The following ARHGEF11 variants were observed in gnomAD, a reference collection of about 807,000 sequenced individuals.
The protein encoded by ARHGEF11 is Rho guanine nucleotide exchange factor 11.
Under a neutral mutation model 193.7 loss-of-function variants are expected in ARHGEF11, and 55 were observed. That is an observed-to-expected ratio of 0.28 (90% CI 0.23 to 0.36). The LOEUF is 0.36. Ranked by LOEUF, ARHGEF11 falls within the 10% of genes least tolerant of loss-of-function variation. The pLI is 1.00. For missense variants in ARHGEF11, 1,723 were observed against 2,005.6 expected (o/e 0.86, Z 2.69); for synonymous variants, 693 against 768.0 (o/e 0.90, Z 1.62).
At position 156,947,468 on chromosome 1, in the gene ARHGEF11, C is replaced by A. The variant is rs781402188; in HGVS notation, c.2342-18G>T. 3 of 1,577,372 alleles carry A rather than the reference C, an allele frequency of 1.9e-6. No individual in the cohort carries two copies. The Admixed American group carries it at 5.7e-5, about 30-fold the overall frequency. On this transcript the variant is annotated intron_variant, in intron 25 of 40. Coordinates refer to ENST00000368194, the MANE Select transcript of ARHGEF11 (RefSeq NM_198236.3). ...AAACAGCTCTGAGCGGTGGTTGTGACAAGGAGGGTAGAAAGCCAGGGAGAA... is the reference window on the plus strand; with the variant it reads ...AAACAGCTCTGAGCGGTGGTTGTGAAAAGGAGGGTAGAAAGCCAGGGAGAA...
At chr1:157,003,781 C>T (rs902083474) in intron 1 of ARHGEF11, among the ~76,000 whole-genome samples, 7 of 152,362 alleles carry the variant, frequency 4.6e-5, no homozygotes, top group African/African-American at 1.4e-4. Flanking sequence ...GATGCTGACA[C>T]TCACTGGGGC....
intron 1 of ARHGEF11, among the ~76,000 whole-genome samples, chr1:157,030,063 A>G (rs2102994502): frequency 6.6e-6 from 1 of 152,284 alleles, no homozygotes; most frequent in Non-Finnish European, 1.5e-5. Context: ...CTAAAATTAG[A>G]CAGTGATGAT....
At chr1:157,039,203 C>T (rs977133912) in intron 1 of ARHGEF11, among the ~76,000 whole-genome samples, 1 of 152,146 alleles carries the variant, frequency 6.6e-6, no homozygotes, top group African/African-American at 2.4e-5. Flanking sequence ...GAAAGCCAGA[C>T]AATGATTTCT....
At chr1:156,961,536 T>C in intron 14 of ARHGEF11, 141 bp downstream of exon 14, 1 of 699,918 alleles carries the variant, frequency 1.4e-6, no homozygotes, top group Non-Finnish European at 2.4e-6. Context: ...AGGAACAGAA[T>C]CCAGGAATAT....
At chr1:156,936,194 T>C (rs1655070959) in intron 40 of ARHGEF11, 136 bp from the exon 41 acceptor site, 2 of 955,254 alleles carry the variant, frequency 2.1e-6, no homozygotes, top group Non-Finnish European at 3.5e-6. Flanking sequence ...CAGTTTCTCG[T>C]AGGGCTTGAA....
rs1425327103 is a variant in ARHGEF11 at position 156,937,418 on chromosome 1, G to T, written c.4271C>A (p.Pro1424His). Residue 1424 changes from proline to histidine, a missense_variant, in exon 39 of 41, where the codon CCT (proline) becomes CAT (histidine). Physicochemically the swap from Pro to His is moderately conservative, Grantham distance 77. This residue lies in a region of ARHGEF11 where 360 missense variants were observed against 344.4 expected (regional missense o/e 1.05). Coordinates refer to ENST00000368194, the MANE Select transcript of ARHGEF11 (RefSeq NM_198236.3). ...TDHSEAPMSP[P>H]QPDSLPAGQT... ...CCCTGCAGGGAGGCTGTCAGGCTGA[G>T]GGGGGCTCATGGGTGCCTCTGAGTG... 6.3e-7 allele frequency: 1 copy of T among 1,586,820 alleles called. No individual in the cohort carries two copies. The highest frequency in any genetic ancestry group is 8.6e-7 in the Non-Finnish European group (1 of 1,167,582).
intron 1 of ARHGEF11, among the ~76,000 whole-genome samples, chr1:157,017,333 ATTAT>A (rs768554831): frequency 1.3e-5 from 2 of 152,150 alleles, no homozygotes; most frequent in Non-Finnish European, 2.9e-5. Flanking sequence ...TTAAATTATA[ATTAT>A]TTGTTTGTAT....
intron 33 of ARHGEF11, among the ~76,000 whole-genome samples, chr1:156,942,456 C>T (rs113139793): frequency 1.1e-3 from 164 of 152,284 alleles, no homozygotes; most frequent in African/African-American, 3.4e-3. Flanking sequence ...GCAGCAGCAG[C>T]GGCTGGAAGA....
chr1:157,006,679 C>T (rs1667866844), intron 1 of ARHGEF11, among the ~76,000 whole-genome samples: 1 of 152,184 alleles, frequency 6.6e-6, no homozygotes, highest in African/African-American at 2.4e-5. Flanking sequence ...GCTTTCCAGA[C>T]AATTGGATAG....
intron 1 of ARHGEF11, among the ~76,000 whole-genome samples, chr1:157,032,801 C>G (rs956685368): frequency 9.2e-5 from 14 of 152,162 alleles, no homozygotes; most frequent in African/African-American, 3.4e-4. Context: ...GTTACTAAGT[C>G]CAGGCATTTC....
At chr1:156,987,597 C>G (rs1220971288) in intron 1 of ARHGEF11, among the ~76,000 whole-genome samples, 1 of 152,128 alleles carries the variant, frequency 6.6e-6, no homozygotes, top group East Asian at 1.9e-4. Flanking sequence ...GAAATGCAGG[C>G]TTTTATTATA....
At chr1:156,939,988 G>A in intron 36 of ARHGEF11, 78 bp from the exon 37 acceptor site, 1 of 1,565,540 alleles carries the variant, frequency 6.4e-7, no homozygotes, top group Non-Finnish European at 8.6e-7. Context: ...CTGCCCCACT[G>A]ACCCCAAGGT....
At chr1:157,015,639 G>A (rs1394345994) in intron 1 of ARHGEF11, among the ~76,000 whole-genome samples, 1 of 152,124 alleles carries the variant, frequency 6.6e-6, no homozygotes, top group Non-Finnish European at 1.5e-5. Context: ...TACACTCTAG[G>A]TCCTCAGTAA....
intron 1 of ARHGEF11, among the ~76,000 whole-genome samples, chr1:157,025,243 C>T (rs1670504611): frequency 6.6e-6 from 1 of 152,218 alleles, no homozygotes; most frequent in African/African-American, 2.4e-5. Flanking sequence ...ATGTACTCTG[C>T]TGCTTCCAGG....
chr1:157,044,373 G>C lies in ARHGEF11; in HGVS notation c.-43C>G. ...ACGGTTCCAGAATCCTGTAGCTTTGGTGTCTTGATCAGGATTGAATCGCTT... is the reference window on the plus strand; with the variant it reads ...ACGGTTCCAGAATCCTGTAGCTTTGCTGTCTTGATCAGGATTGAATCGCTT... On this transcript the variant is annotated 5_prime_UTR_variant, in exon 1 of 41. Transcript: ENST00000368194. 1.2e-6 allele frequency: 2 copies of C among 1,608,192 alleles called. No individual in the cohort carries two copies. Among genetic ancestry groups the C allele is most frequent in the Non-Finnish European group, 1.7e-6 (2 of 1,175,068 alleles).
chr1:156,951,815 G>T, intron 21 of ARHGEF11, 116 bp from the exon 22 acceptor site: 1 of 1,336,294 alleles, frequency 7.5e-7, no homozygotes, highest in Non-Finnish European at 1.0e-6. Context: ...GATGAGAACA[G>T]CACTGGACCA....
At chr1:156,988,780 T>C (rs958994795) in intron 1 of ARHGEF11, among the ~76,000 whole-genome samples, 2 of 152,118 alleles carry the variant, frequency 1.3e-5, no homozygotes, top group African/African-American at 4.8e-5. Context: ...GCAACGTAAG[T>C]ATACTTGCAA....
intron 22 of ARHGEF11, among the ~76,000 whole-genome samples, chr1:156,950,393 T>C (rs952951836): frequency 6.6e-6 from 1 of 152,102 alleles, no homozygotes; most frequent in Non-Finnish European, 1.5e-5. Context: ...TCCTAGCACT[T>C]TGGGAGGCTG....
intron 3 of ARHGEF11, among the ~76,000 whole-genome samples, chr1:156,982,630 TTC>T (rs1664346268): frequency 6.6e-6 from 1 of 152,148 alleles, no homozygotes; most frequent in Non-Finnish European, 1.5e-5. Flanking sequence ...TCCTTCTTTC[TTC>T]TCTGGGTCTG....
Sources: gnomAD v4.1 joint callset for allele counts (sites outside exome capture counted in the v4.1 genomes callset) on GRCh38, gnomAD v4.1.1 for gene constraint, gnomAD v4.1.1 regional missense constraint, MANE v1.5 for transcripts, NCBI Gene and HGNC (gene_info 2026-07-23, HGNC 2026-07-21) for gene names.